MCM4: variants seen among roughly 807,000 people sequenced by gnomAD.
MCM4 encodes the protein minichromosome maintenance complex component 4.
MCM4 carries 60 observed loss-of-function variants against 88.7 expected under a neutral mutation model. The ratio of observed to expected loss-of-function variants is 0.68; its 90% confidence interval spans 0.55 to 0.84. MCM4 has a LOEUF of 0.84. Ranked by LOEUF, MCM4 falls within the 40% of genes least tolerant of loss-of-function variation. The pLI is 0.00. For missense variants in MCM4, 1,149 were observed against 1,105.5 expected (o/e 1.04, Z -0.56); for synonymous variants, 465 against 410.5 (o/e 1.13, Z -1.61).
rs1382953701 is a variant in MCM4 at position 47,977,815 on chromosome 8, TG to T, written c.*1039del. ...GATTCTTTCTAGAGATTTTTTCTCA[TG>T]GCTACTATTAGATCAGGAATGGGTG... On this transcript the variant is annotated 3_prime_UTR_variant, in exon 17 of 17. Coordinates refer to ENST00000649973, the MANE Select transcript of MCM4 (RefSeq NM_182746.3). 7 of 152,180 alleles carry T rather than the reference TG, an allele frequency of 4.6e-5. No homozygotes were observed. Among genetic ancestry groups the T allele is most frequent in the African/African-American group, 1.7e-4 (7 of 41,458 alleles). 9.4% of individuals were successfully genotyped at this position (152,180 alleles called of 1,614,324 possible).
intron 13 of MCM4, 138 bp from the exon 14 acceptor site, chr8:47,972,719 G>C (rs2090966142): frequency 1.6e-6 from 1 of 616,418 alleles, no homozygotes; most frequent in African/African-American, 1.8e-5. Flanking sequence ...ACCACTCCTG[G>C]CTAATTGTTG....
chr8:47,964,323 A>C (rs898866324), intron 7 of MCM4, among the ~76,000 whole-genome samples: 8 of 152,244 alleles, frequency 5.3e-5, no homozygotes, highest in African/African-American at 1.9e-4. Context: ...TTCTAATAGA[A>C]AGCAAAGAAT....
chr8:47,969,088 A>G (rs1301606986), intron 10 of MCM4: 1 of 152,348 alleles, frequency 6.6e-6, no homozygotes, highest in African/African-American at 2.4e-5. Flanking sequence ...GAAGCACAGC[A>G]GCTCCATTTC....
At chr8:47,962,497 A>C in intron 5 of MCM4, 91 bp downstream of exon 5, 1 of 1,318,790 alleles carries the variant, frequency 7.6e-7, no homozygotes, top group Non-Finnish European at 1.1e-6. Flanking sequence ...CATAATGACT[A>C]GAAGGGCCAC....
chr8:47,974,228 CAT>C (rs2090980752), intron 14 of MCM4: 1 of 153,378 alleles, frequency 6.5e-6, no homozygotes, highest in Non-Finnish European at 1.5e-5. Flanking sequence ...TTTTGTGTGT[CAT>C]AGTCTTGGGG....
At chr8:47,961,334 T>C in intron 2 of MCM4, 120 bp downstream of exon 2, 1 of 1,454,886 alleles carries the variant, frequency 6.9e-7, no homozygotes, top group South Asian at 1.4e-5. Context: ...GGCTGGGCGC[T>C]GCCGCTTGGT....
intron 3 of MCM4, 132 bp from the exon 4 acceptor site, chr8:47,961,921 A>C: frequency 3.1e-6 from 3 of 964,358 alleles, no homozygotes; most frequent in Middle Eastern, 6.4e-4. Context: ...AAGAGTGCTC[A>C]GAATCTCAGC....
intron 15 of MCM4, 125 bp from the exon 16 acceptor site, chr8:47,975,590 C>A: frequency 1.6e-6 from 1 of 606,362 alleles, no homozygotes; most frequent in Non-Finnish European, 2.6e-6. Flanking sequence ...TCATTCCCTT[C>A]AAATGTACTC....
In MCM4 at chr8:47,971,327, C is replaced by G. The variant is rs758305712; in HGVS notation, c.1801-14C>G. 6.2e-7 allele frequency: 1 copy of G among 1,614,114 alleles called. No homozygotes were observed. The highest frequency in any genetic ancestry group is 8.5e-7 in the Non-Finnish European group (1 of 1,180,016). ...TCAGGGAGAGGCTTCTAACTGCACT[C>G]TTTGCTCTGATAGGCTGGGATCATC... On this transcript the variant is annotated splice_polypyrimidine_tract_variant and intron_variant, in intron 12 of 16. Transcript: ENST00000649973.
At chr8:47,975,172 G>GTTT in intron 15 of MCM4, 1 of 408,980 alleles carries the variant, frequency 2.4e-6, no homozygotes, top group Non-Finnish European at 4.4e-6. Flanking sequence ...TTTGTGTATA[G>GTTT]TTTTTTTTTG....
Position 47,962,864 on chromosome 8 carries a change from T to C in MCM4, c.597+5T>C. The C allele has an allele frequency of 1.3e-6, 2 of 1,590,550 alleles. No individual in the cohort carries two copies. Among genetic ancestry groups the C allele is most frequent in the Non-Finnish European group, 1.7e-6 (2 of 1,168,380 alleles). On this transcript the variant is annotated splice_donor_5th_base_variant and intron_variant, in intron 6 of 16. Transcript: ENST00000649973. ...TACATGCAACGACTTGGGGAGGTAA[T>C]CAAATACTCTTTAAATTCAAGTTAC...
Position 47,977,891 on chromosome 8 carries a change from C to T in MCM4, c.*1113C>T, listed in dbSNP as rs943903889. 4 of 152,114 alleles carry T rather than the reference C, an allele frequency of 2.6e-5. No homozygotes were observed. Among genetic ancestry groups the T allele is most frequent in the African/African-American group, 9.7e-5 (4 of 41,418 alleles). The allele number at this position is 152,114 out of a possible 1,614,324, so 9.4% of individuals were successfully genotyped here. Reference sequence around the variant, plus strand: ...TAACTTCTACCACTTTACCCTAATACATAAAACTTTTTCCTAAATAAATGA... The same window carrying T: ...TAACTTCTACCACTTTACCCTAATATATAAAACTTTTTCCTAAATAAATGA... On this transcript the variant is annotated 3_prime_UTR_variant, in exon 17 of 17. Transcript: ENST00000649973.
intron 2 of MCM4, 133 bp downstream of exon 2, chr8:47,961,347 G>A (rs961291939): frequency 6.8e-7 from 1 of 1,473,122 alleles, no homozygotes; most frequent in Non-Finnish European, 9.0e-7. Flanking sequence ...CGCTTGGTGC[G>A]CACAGACACC....
Position 47,970,580 on chromosome 8 carries a change from G to A in MCM4, c.1504G>A (p.Ala502Thr). ...TCACACTGGAAGGGGCAAATTTCGG[G>A]CTGAGATCAACATCTTGCTGTGTGG... is the stretch of plus-strand genomic sequence containing the variant. ...FSHTGRGKFR[A>T]EINILLCGDP... The change falls in exon 12 of 17, where the codon GCT (alanine) becomes ACT (threonine). Residue 502 changes from alanine (A) to threonine (T), a missense_variant. Physicochemically the swap from Ala to Thr is moderately conservative, Grantham distance 58. Coordinates refer to ENST00000649973, the MANE Select transcript of MCM4 (RefSeq NM_182746.3). The A allele has an allele frequency of 1.9e-6, 3 of 1,614,020 alleles. No homozygotes were observed. Among genetic ancestry groups the A allele is most frequent in the Non-Finnish European group, 2.5e-6 (3 of 1,179,934 alleles).
At position 47,961,693 on chromosome 8, in the gene MCM4, A is replaced by G; in HGVS notation, c.235+13A>G. On this transcript the variant is annotated intron_variant, in intron 3 of 16. Transcript: ENST00000649973. Reference sequence around the variant, plus strand: ...ATGCATTCTTCAGGTGCGTGTCTGAAGATCTTGGTTTTGCTGTGCTTGATA... The same window carrying G: ...ATGCATTCTTCAGGTGCGTGTCTGAGGATCTTGGTTTTGCTGTGCTTGATA... 1 of 1,595,758 alleles carries G rather than the reference A, an allele frequency of 6.3e-7. No individual in the cohort carries two copies. The highest frequency in any genetic ancestry group is 2.2e-5 in the East Asian group (1 of 44,644).
intron 3 of MCM4, 67 bp from the exon 4 acceptor site, chr8:47,961,986 C>T: frequency 2.1e-6 from 3 of 1,447,402 alleles, no homozygotes; most frequent in Non-Finnish European, 9.7e-7. Flanking sequence ...TGGTATAGAT[C>T]AACAGACAAC....
chr8:47,971,576 C>T, intron 13 of MCM4, 108 bp downstream of exon 13: 1 of 1,166,838 alleles, frequency 8.6e-7, no homozygotes. Context: ...TCACTCTTAT[C>T]AAGATGTTTC....
In MCM4 at chr8:47,972,354, A is replaced by G. The variant is rs190017609; in HGVS notation, c.1929-503A>G. On this transcript the variant is annotated intron_variant, in intron 13 of 16. Transcript: ENST00000649973. ...AGCCGTTCCCTGGGCCGACCTAAGG[A>G]CTAGGGACAGCACAGGGTGAGTGGG... Among the ~76,000 whole-genome samples, 1,049 of 151,568 alleles carry G rather than the reference A, an allele frequency of 6.9e-3. 9 individuals carry two copies. The highest frequency in any genetic ancestry group is 0.026 in the South Asian group (125 of 4,794).
intron 13 of MCM4, 102 bp downstream of exon 13, chr8:47,971,570 T>G: frequency 3.8e-5 from 46 of 1,225,812 alleles, no homozygotes; most frequent in Non-Finnish European, 5.3e-5. Context: ...AACTCTTCAC[T>G]CTTATCAAGA....
Sources: allele counts gnomAD v4.1 joint callset (sites outside exome capture counted in the v4.1 genomes callset), GRCh38; gene constraint gnomAD v4.1.1; transcripts MANE v1.5; gene names NCBI Gene and HGNC (gene_info 2026-07-23, HGNC 2026-07-21).